Variants in SCAI observed in about 807,000 individuals in gnomAD.
SCAI encodes the protein protein SCAI.
In SCAI, 24 loss-of-function variants were observed where a neutral mutation model predicts 92.2. The observed-to-expected ratio is 0.26, with a 90% CI of 0.19 to 0.37. The LOEUF (loss-of-function observed/expected upper bound fraction) is 0.37, where lower values mean the gene tolerates loss of function less well. Ranked by LOEUF, SCAI falls within the 10% of genes least tolerant of loss-of-function variation. SCAI has a pLI of 1.00. For synonymous variants in SCAI, 261 were observed against 258.6 expected (o/e 1.01, Z -0.09); for missense variants, 450 against 736.2 (o/e 0.61, Z 4.50).
chr9:125,032,669 A>T (rs1310094523), intron 3 of SCAI, among the ~76,000 whole-genome samples: 2 of 146,810 alleles, frequency 1.4e-5, no homozygotes, highest in Non-Finnish European at 3.0e-5. Context: ...GCTGGAGTGC[A>T]GTGGCGCGAC....
intron 2 of SCAI, among the ~76,000 whole-genome samples, chr9:125,072,969 C>T (rs1227213231): frequency 1.3e-5 from 2 of 151,918 alleles, no homozygotes; most frequent in African/African-American, 4.8e-5. Context: ...CATGTTATAA[C>T]TACTGTGAAT....
chr9:125,076,735 G>C (rs964771254), intron 2 of SCAI, among the ~76,000 whole-genome samples: 1 of 151,726 alleles, frequency 6.6e-6, no homozygotes, highest in Non-Finnish European at 1.5e-5. Flanking sequence ...GAGTCTCACT[G>C]TCACCCAGGC....
intron 2 of SCAI, among the ~76,000 whole-genome samples, chr9:125,069,464 C>A (rs1346713675): frequency 5.3e-5 from 8 of 150,234 alleles, no homozygotes; most frequent in Non-Finnish European, 1.2e-4. Context: ...ACTACAGGCG[C>A]CCACCACCAC....
rs562268625 is a variant in SCAI at position 125,131,300 on chromosome 9, T to A, written c.98+11333A>T. 2.7e-5 allele frequency among the ~76,000 whole-genome samples: 4 copies of A among 149,102 alleles called. No individual in the cohort carries two copies. In the South Asian group the frequency reaches 6.3e-4, roughly 24 times the overall value. On this transcript the variant is annotated intron_variant, in intron 2 of 17. Coordinates refer to ENST00000336505, the MANE Select transcript of SCAI (RefSeq NM_001144877.3). ...GGAGATACCAGTAATCCCAGCTACT[T>A]GGGAGGCTGAGGAGGGAGAATCGCT...
At chr9:124,997,149 C>G (rs73666664) in intron 13 of SCAI, among the ~76,000 whole-genome samples, 1 of 152,020 alleles carries the variant, frequency 6.6e-6, no homozygotes, top group African/African-American at 2.4e-5. Flanking sequence ...AAATCCAAAA[C>G]GAAAAATGCT....
intron 2 of SCAI, among the ~76,000 whole-genome samples, chr9:125,066,456 ATTTAT>A (rs1350208753): frequency 2.5e-5 from 3 of 121,470 alleles, no homozygotes; most frequent in Non-Finnish European, 5.5e-5. Context: ...TATTTTATTT[ATTTAT>A]TTATTTTTTT....
chr9:125,120,549 C>T lies in SCAI; in HGVS notation c.98+22084G>A, dbSNP rs1266481690. ...CTCTACTAAAAATACAAAAATTAGCCAGACATGGTGGCAGGCGCCTGTAAT... is the reference window on the plus strand; with the variant it reads ...CTCTACTAAAAATACAAAAATTAGCTAGACATGGTGGCAGGCGCCTGTAAT... On this transcript the variant is annotated intron_variant, in intron 2 of 17. Coordinates refer to ENST00000336505, the MANE Select transcript of SCAI (RefSeq NM_001144877.3). Among the ~76,000 whole-genome samples, 3 of 152,024 alleles carry T rather than the reference C, an allele frequency of 2.0e-5. No homozygotes were observed. The East Asian group carries it at 5.8e-4, about 29-fold the overall frequency.
chr9:125,005,780 C>T (rs1832493515), intron 9 of SCAI, among the ~76,000 whole-genome samples: 1 of 152,022 alleles, frequency 6.6e-6, no homozygotes, highest in Non-Finnish European at 1.5e-5. Context: ...ACACCTATGC[C>T]CAAATAAAAC....
chr9:124,970,269 G>A (rs1434614559), intron 17 of SCAI, among the ~76,000 whole-genome samples: 2 of 152,148 alleles, frequency 1.3e-5, no homozygotes, highest in Non-Finnish European at 2.9e-5. Flanking sequence ...CAAACAAAAT[G>A]AATGAGTGAA....
Position 125,133,060 on chromosome 9 carries a change from TACATGGGAGAAA to T in SCAI, c.98+9561_98+9572del, listed in dbSNP as rs548718731. ...GTGGAGAAAAGTAAAAGGCAAGCCATACATGGGAGAAAACATAAGCAAAACACATACCTAATA... is the reference window on the plus strand; with the variant it reads ...GTGGAGAAAAGTAAAAGGCAAGCCATACATAAGCAAAACACATACCTAATA... On this transcript the variant is annotated intron_variant, in intron 2 of 17. Coordinates refer to ENST00000336505, the MANE Select transcript of SCAI (RefSeq NM_001144877.3). Among the ~76,000 whole-genome samples, 14 of 152,146 alleles carry T rather than the reference TACATGGGAGAAA, an allele frequency of 9.2e-5. 1 individual carries two copies. In the South Asian group the frequency reaches 2.9e-3, roughly 32 times the overall value.
rs1831127787 is a variant in SCAI, at chr9:124,945,251, AC to A, written c.*7555del. 1 of 152,204 alleles carries A rather than the reference AC, an allele frequency of 6.6e-6. No individual in the cohort carries two copies. The highest frequency in any genetic ancestry group is 1.5e-5 in the Non-Finnish European group (1 of 68,054). 9.4% of individuals were successfully genotyped at this position (152,204 alleles called of 1,614,324 possible). ...TGGCACTGGTTAAAGTAGTCTGATA[AC>A]TATTAAAAAGAATTTTTTTTAGGCC... On this transcript the variant is annotated 3_prime_UTR_variant, in exon 18 of 18. Coordinates refer to ENST00000336505, the MANE Select transcript of SCAI (RefSeq NM_001144877.3).
At chr9:125,077,970 C>G (rs1036035649) in intron 2 of SCAI, among the ~76,000 whole-genome samples, 2 of 151,990 alleles carry the variant, frequency 1.3e-5, no homozygotes, top group East Asian at 3.9e-4. Flanking sequence ...CCACACCCCC[C>G]CCGCCTCCCA....
chr9:124,952,875 T>C lies in SCAI; in HGVS notation c.1753A>G (p.Ile585Val), dbSNP rs1830312927. The change falls in exon 18 of 18, where the codon ATT (isoleucine) becomes GTT (valine). Residue 585 changes from isoleucine to valine, a missense_variant. Physicochemically the swap from Ile to Val is conservative, Grantham distance 29 (BLOSUM62 3). This residue lies in a region of SCAI where 360 missense variants were observed against 601.8 expected (regional missense o/e 0.60). Coordinates refer to ENST00000336505, the MANE Select transcript of SCAI (RefSeq NM_001144877.3). ...TCCAGAATGGATGCTAATTCCAAAA[T>C]GTGCTTCTGGAGATGAGGATTCTCC... ...TVENPHLQKH[I>V]LELASILDVR... 6.2e-7 allele frequency: 1 copy of C among 1,612,932 alleles called. No homozygotes were observed.
chr9:125,094,380 A>G (rs1834503094), intron 2 of SCAI, among the ~76,000 whole-genome samples: 1 of 152,184 alleles, frequency 6.6e-6, no homozygotes, highest in Admixed American at 6.5e-5. Context: ...ATTCACTGTA[A>G]TCTCAGCTTG....
At chr9:125,119,310 T>C (rs1177473137) in intron 2 of SCAI, among the ~76,000 whole-genome samples, 3 of 152,210 alleles carry the variant, frequency 2.0e-5, no homozygotes, top group Non-Finnish European at 4.4e-5. Context: ...GTGGTCTGAA[T>C]CATTCCGAAG....
intron 2 of SCAI, among the ~76,000 whole-genome samples, chr9:125,107,834 C>A (rs541733157): frequency 6.6e-6 from 1 of 152,260 alleles, no homozygotes; most frequent in South Asian, 2.1e-4. Flanking sequence ...CTCCCTCTCC[C>A]CACAGTCTCC....
intron 17 of SCAI, among the ~76,000 whole-genome samples, chr9:124,956,066 A>AT (rs1320229284): frequency 6.6e-6 from 1 of 152,224 alleles, no homozygotes; most frequent in Admixed American, 6.5e-5. Flanking sequence ...ACAAAACCAC[A>AT]TGAAGACATT....
At chr9:125,135,989 A>C (rs919491760) in intron 2 of SCAI, among the ~76,000 whole-genome samples, 6 of 151,836 alleles carry the variant, frequency 4.0e-5, no homozygotes, top group African/African-American at 1.2e-4. Flanking sequence ...AAAAAAACAA[A>C]AAAAAAACCA....
At chr9:124,959,302 A>G (rs1337845383) in intron 17 of SCAI, among the ~76,000 whole-genome samples, 1 of 150,948 alleles carries the variant, frequency 6.6e-6, no homozygotes, top group Non-Finnish European at 1.5e-5. Flanking sequence ...GAAAAAAAAA[A>G]AAGAATTTTG....
Sources: allele counts gnomAD v4.1 joint callset (sites outside exome capture counted in the v4.1 genomes callset), GRCh38; gene constraint gnomAD v4.1.1; regional missense constraint gnomAD v4.1.1; transcripts MANE v1.5; gene names NCBI Gene and HGNC (gene_info 2026-07-23, HGNC 2026-07-21).